Variants in SBNO1 observed in about 807,000 individuals in gnomAD.
SBNO1 encodes the protein protein strawberry notch homolog 1.
Under a neutral mutation model 173.6 loss-of-function variants are expected in SBNO1, and 23 were observed. The ratio of observed to expected loss-of-function variants is 0.13; its 90% CI spans 0.10 to 0.19. SBNO1 has a LOEUF of 0.19. SBNO1 is among the 10% of genes least tolerant of loss of function. SBNO1 has a pLI of 1.00. For missense variants in SBNO1, 1,238 were observed against 1,671.2 expected (o/e 0.74, Z 4.52); for synonymous variants, 632 against 571.5 (o/e 1.11, Z -1.51).
chr12:123,314,579 C>T (rs1199258790), intron 23 of SBNO1, among the ~76,000 whole-genome samples: 9 of 152,026 alleles, frequency 5.9e-5, no homozygotes, highest in South Asian at 2.1e-4. Flanking sequence ...CCACCCACCT[C>T]GGTCTCCCAA....
In SBNO1 at chr12:123,341,103, G is replaced by A; in HGVS notation, c.551-15C>T. 1 of 1,379,058 alleles carries A rather than the reference G, an allele frequency of 7.3e-7. No individual in the cohort carries two copies. Among genetic ancestry groups the A allele is most frequent in the East Asian group, 2.4e-5 (1 of 42,010 alleles). 85.4% of individuals were successfully genotyped at this position (1,379,058 alleles called of 1,614,324 possible). On this transcript the variant is annotated splice_polypyrimidine_tract_variant and intron_variant, in intron 4 of 31. Coordinates refer to ENST00000602398, the MANE Select transcript of SBNO1 (RefSeq NM_001167856.3). ...GCTTACATCAGCTGAGGAGGAAAAA[G>A]TCAAATTACATTTAGAAGAAAATTC...
chr12:123,348,124 G>A lies in SBNO1; in HGVS notation c.142C>T (p.Leu48Phe), dbSNP rs751335193. 2 of 1,602,296 alleles carry A rather than the reference G, an allele frequency of 1.2e-6. No individual in the cohort carries two copies. The highest frequency in any genetic ancestry group is 1.1e-5 in the South Asian group (1 of 90,612). Residue 48 changes from leucine (L) to phenylalanine (F), a missense_variant, in exon 3 of 32, where the codon CTT (leucine) becomes TTT (phenylalanine). By Grantham distance (22) the Leu-to-Phe change is conservative (BLOSUM62 0). Around this residue, in one of 14 missense-constraint regions of SBNO1, gnomAD observed 287 missense variants for 274.1 expected, o/e 1.05. Coordinates refer to ENST00000602398, the MANE Select transcript of SBNO1 (RefSeq NM_001167856.3). The part of the protein sequence containing the change: ...PTPSVQQSVP[L>F]SALELGLETE... ...TCCAAACCTAGTTCTAATGCACTAA[G>A]TGGCACTGACTGGAGAGAAAACAAC...
intron 5 of SBNO1, among the ~76,000 whole-genome samples, chr12:123,339,827 C>T (rs1355445941): frequency 1.3e-5 from 2 of 152,040 alleles, no homozygotes; most frequent in African/African-American, 4.8e-5. Flanking sequence ...TCAGGACCCT[C>T]CATGGAGCCC....
chr12:123,364,710 G>T lies in SBNO1; in HGVS notation c.-10C>A, dbSNP rs1593438750. ...CAAGGGAAGGACTTACTTTCCCCGC[G>T]GGACCCGGCGCCAGCACAGCTCCTC... On this transcript the variant is annotated 5_prime_UTR_variant, in exon 1 of 32. Transcript: ENST00000602398. 1.0e-6 allele frequency: 1 copy of T among 984,514 alleles called. No homozygotes were observed. Among genetic ancestry groups the T allele is most frequent in the South Asian group, 4.6e-5 (1 of 21,750 alleles). The allele number at this position is 984,514 out of a possible 1,614,324, so 61.0% of individuals were successfully genotyped here. A position where few individuals can be genotyped will look rare whatever the true frequency, so the allele number is the denominator to read the frequency against.
intron 13 of SBNO1, among the ~76,000 whole-genome samples, chr12:123,326,993 T>C (rs750204962): frequency 6.6e-6 from 1 of 151,984 alleles, no homozygotes; most frequent in South Asian, 2.1e-4. Flanking sequence ...CTCATCTGTT[T>C]GTTTTTGTTT....
At chr12:123,302,950 C>A in intron 29 of SBNO1, 50 bp from the exon 30 acceptor site, 1 of 1,355,806 alleles carries the variant, frequency 7.4e-7, no homozygotes, top group Non-Finnish European at 1.1e-6. Context: ...TTTAAATAAA[C>A]TGGTTACCTA....
chr12:123,346,606 G>A (rs1873174491), intron 3 of SBNO1, among the ~76,000 whole-genome samples: 1 of 152,198 alleles, frequency 6.6e-6, no homozygotes, highest in Admixed American at 6.5e-5. Context: ...GGAGGTTGCA[G>A]TGCGCCGAGA....
At chr12:123,344,731 T>C (rs1051164740) in intron 4 of SBNO1, among the ~76,000 whole-genome samples, 5 of 151,802 alleles carry the variant, frequency 3.3e-5, no homozygotes, top group Admixed American at 2.6e-4. Flanking sequence ...CACCTCTAAT[T>C]CCAGCTACTC....
At chr12:123,327,401 C>A in intron 13 of SBNO1, 25 bp downstream of exon 13, 3 of 1,593,310 alleles carry the variant, frequency 1.9e-6, no homozygotes, top group Non-Finnish European at 2.6e-6. Flanking sequence ...TAAATAAACA[C>A]TAGGAATTAA....
intron 6 of SBNO1, among the ~76,000 whole-genome samples, chr12:123,335,552 T>C (rs763922414): frequency 6.6e-6 from 1 of 152,238 alleles, no homozygotes; most frequent in Non-Finnish European, 1.5e-5. Flanking sequence ...ATTAAAATAA[T>C]GATCTGGAAG....
intron 2 of SBNO1, among the ~76,000 whole-genome samples, chr12:123,348,639 G>A (rs753042936): frequency 3.3e-5 from 5 of 152,134 alleles, no homozygotes; most frequent in Admixed American, 6.6e-5. Context: ...GGTGGTGGGC[G>A]CCTGTAGTCC....
intron 1 of SBNO1, among the ~76,000 whole-genome samples, chr12:123,355,432 C>T (rs916912218): frequency 1.3e-5 from 2 of 152,098 alleles, no homozygotes; most frequent in African/African-American, 4.8e-5. Context: ...GTGGTGAAAC[C>T]GTCTCCTCTA....
intron 15 of SBNO1, among the ~76,000 whole-genome samples, chr12:123,325,044 C>T (rs977030297): frequency 1.3e-5 from 2 of 152,136 alleles, no homozygotes; most frequent in African/African-American, 4.8e-5. Context: ...CTACTGACCT[C>T]AAGTGATGTG....
At chr12:123,352,464 T>C (rs1430430556) in intron 1 of SBNO1, among the ~76,000 whole-genome samples, 1 of 151,882 alleles carries the variant, frequency 6.6e-6, no homozygotes, top group Admixed American at 6.6e-5. Context: ...TGGTTAATTT[T>C]TGTATTTAGT....
At position 123,298,153 on chromosome 12, in the gene SBNO1, T is replaced by C. The variant is rs773589534; in HGVS notation, c.3864A>G (p.Lys1288=). The part of the protein sequence containing the change: ...THAYWRGNCK[K]ASLGLVCEIG... ...TTTCACAAACTAGCCCCAAGCTTGC[T>C]TTTTTGCAATTGCCGCGCCTAAGAA... Residue 1288 remains lysine (K), a synonymous_variant, in exon 31 of 32, where the codon AAA becomes AAG. Coordinates refer to ENST00000602398, the MANE Select transcript of SBNO1 (RefSeq NM_001167856.3). The C allele has an allele frequency of 1.2e-6, 2 of 1,612,690 alleles. No individual in the cohort carries two copies. The highest frequency in any genetic ancestry group is 2.7e-5 in the African/African-American group (2 of 74,842).
intron 2 of SBNO1, chr12:123,348,936 G>A (rs1873549809): frequency 6.6e-6 from 1 of 151,190 alleles, no homozygotes; most frequent in Non-Finnish European, 1.5e-5. Context: ...CTCCAGCCTG[G>A]GTGACAGAGT....
At chr12:123,311,745 T>TATATATATATAC (rs1566027839) in intron 24 of SBNO1, among the ~76,000 whole-genome samples, 1 of 142,732 alleles carries the variant, frequency 7.0e-6, no homozygotes, top group African/African-American at 2.5e-5. Flanking sequence ...TATATATATA[T>TATATATATATAC]ATATTTTTGC....
At chr12:123,364,429 T>C in intron 1 of SBNO1, 1 of 985,212 alleles carries the variant, frequency 1.0e-6, no homozygotes, top group Non-Finnish European at 1.2e-6. Context: ...ACAGCGGGGC[T>C]CCCGGAGCCC....
At chr12:123,348,902 G>T (rs993299224) in intron 2 of SBNO1, 2 of 151,844 alleles carry the variant, frequency 1.3e-5, no homozygotes, top group African/African-American at 4.8e-5. Context: ...GGAGGTTGCA[G>T]TGAGCCAAGA....
Sources: gnomAD v4.1 joint callset for allele counts (sites outside exome capture counted in the v4.1 genomes callset) on GRCh38, gnomAD v4.1.1 for gene constraint, gnomAD v4.1.1 regional missense constraint, MANE v1.5 for transcripts, NCBI Gene and HGNC (gene_info 2026-07-23, HGNC 2026-07-21) for gene names.